Variants in LRRC4C observed in about 807,000 individuals in gnomAD.
The protein encoded by LRRC4C is leucine rich repeat containing 4C, also known as leucine-rich repeat-containing protein 4C.
LRRC4C carries 5 observed loss-of-function variants against 33.6 expected under a neutral mutation model. The observed-to-expected ratio is 0.15, with a 90% CI of 0.08 to 0.31. The LOEUF is 0.31. Ranked by LOEUF, LRRC4C falls within the 10% of genes least tolerant of loss-of-function variation. The pLI is 1.00. For missense variants in LRRC4C, 560 were observed against 796.7 expected, an observed-to-expected ratio of 0.70 and a Z score of 3.58; for synonymous variants, 329 against 302.0, an observed-to-expected ratio of 1.09 and a Z score of -0.93.
intron 2 of LRRC4C, among the ~76,000 whole-genome samples, chr11:40,776,558 TG>T (rs1950004688): frequency 6.6e-6 from 1 of 152,150 alleles, no homozygotes; most frequent in African/African-American, 2.4e-5. Context: ...TTTGTATTTA[TG>T]TGGGATCAGT....
intron 5 of LRRC4C, among the ~76,000 whole-genome samples, chr11:40,166,080 A>C (rs1474109273): frequency 3.9e-5 from 6 of 152,240 alleles, no homozygotes; most frequent in African/African-American, 1.4e-4. Context: ...ATGACCCAGC[A>C]ATTGCTGTCG....
intron 1 of LRRC4C, among the ~76,000 whole-genome samples, chr11:40,985,895 A>G (rs1041120755): frequency 2.0e-5 from 3 of 152,126 alleles, no homozygotes; most frequent in African/African-American, 7.2e-5. Context: ...TGTTGTTAAG[A>G]GTCAAGGGGT....
chr11:41,016,485 T>A (rs936641948), intron 1 of LRRC4C, among the ~76,000 whole-genome samples: 3 of 152,184 alleles, frequency 2.0e-5, no homozygotes, highest in Non-Finnish European at 2.9e-5. Flanking sequence ...CAACCACAAA[T>A]AAACAATAGG....
intron 1 of LRRC4C, among the ~76,000 whole-genome samples, chr11:41,273,672 T>C (rs1949389868): frequency 6.6e-6 from 1 of 152,194 alleles, no homozygotes; most frequent in Non-Finnish European, 1.5e-5. Context: ...CTGCTGTACA[T>C]AGTGCCTACA....
At chr11:41,110,653 A>G (rs1941776332) in intron 1 of LRRC4C, among the ~76,000 whole-genome samples, 1 of 151,974 alleles carries the variant, frequency 6.6e-6, no homozygotes, top group African/African-American at 2.4e-5. Flanking sequence ...ACGTTTTGCA[A>G]GTTTTATTAA....
chr11:41,438,707 T>C (rs1399609120), intron 1 of LRRC4C, among the ~76,000 whole-genome samples: 3 of 152,192 alleles, frequency 2.0e-5, no homozygotes, highest in African/African-American at 7.2e-5. Context: ...CGTCAGCTTT[T>C]CCAATCTTAT....
intron 2 of LRRC4C, among the ~76,000 whole-genome samples, chr11:40,749,489 G>A (rs1948585124): frequency 6.9e-6 from 1 of 143,982 alleles, no homozygotes; most frequent in African/African-American, 2.6e-5. Flanking sequence ...TAATAAGCAG[G>A]AAGTTTATAG....
intron 1 of LRRC4C, among the ~76,000 whole-genome samples, chr11:41,222,067 T>C (rs1317169812): frequency 6.6e-6 from 1 of 152,184 alleles, no homozygotes; most frequent in Non-Finnish European, 1.5e-5. Flanking sequence ...GTGAATTACA[T>C]GGGCTAGAAA....
chr11:41,193,785 A>G (rs926432425), intron 1 of LRRC4C, among the ~76,000 whole-genome samples: 1 of 151,782 alleles, frequency 6.6e-6, no homozygotes, highest in Non-Finnish European at 1.5e-5. Context: ...AGGTGTTCTG[A>G]TTATTCAAGA....
chr11:40,533,474 T>C (rs1477470162), intron 3 of LRRC4C, among the ~76,000 whole-genome samples: 1 of 334 alleles, frequency 3.0e-3, no homozygotes, highest in Non-Finnish European at 5.3e-3. Context: ...TGGTCTCTGA[T>C]TGAGTGTGGG....
chr11:41,110,889 C>T (rs561215029), intron 1 of LRRC4C, among the ~76,000 whole-genome samples: 4 of 152,020 alleles, frequency 2.6e-5, no homozygotes, highest in Non-Finnish European at 4.4e-5. Context: ...AGCAAGCATC[C>T]GAGTAACCTG....
At chr11:40,977,722 G>A (rs2137060325) in intron 1 of LRRC4C, among the ~76,000 whole-genome samples, 1 of 152,190 alleles carries the variant, frequency 6.6e-6, no homozygotes, top group African/African-American at 2.4e-5. Flanking sequence ...TGTCTGACAA[G>A]TGCCTCAAAA....
At chr11:40,277,981 C>T (rs113414599) in intron 4 of LRRC4C, among the ~76,000 whole-genome samples, 3,071 of 152,218 alleles carry the variant, frequency 0.02, 44 homozygotes, top group Middle Eastern at 0.034. Flanking sequence ...CTTTAACTTT[C>T]CAGGAAAACC....
intron 6 of LRRC4C, among the ~76,000 whole-genome samples, chr11:40,132,200 A>G (rs986265386): frequency 2.0e-5 from 3 of 152,210 alleles, no homozygotes; most frequent in Admixed American, 6.5e-5. Flanking sequence ...TCTGCTCTAT[A>G]TATCAATTTC....
intron 3 of LRRC4C, among the ~76,000 whole-genome samples, chr11:40,379,142 G>A (rs1948767940): frequency 6.6e-6 from 1 of 152,082 alleles, no homozygotes; most frequent in Non-Finnish European, 1.5e-5. Context: ...AAAGATGTTT[G>A]GAGGTGTATA....
At chr11:40,594,919 C>G (rs908748967) in intron 3 of LRRC4C, among the ~76,000 whole-genome samples, 1 of 152,110 alleles carries the variant, frequency 6.6e-6, no homozygotes, top group Admixed American at 6.6e-5. Context: ...AACACACACA[C>G]AAACACGCCA....
intron 3 of LRRC4C, among the ~76,000 whole-genome samples, chr11:40,620,084 C>CGAGCTGAGAGCT (rs1962304288): frequency 6.7e-6 from 1 of 149,438 alleles, no homozygotes; most frequent in Admixed American, 6.7e-5. Context: ...AAGAATGAGC[C>CGAGCTGAGAGCT]GAGCTGAGAG....
intron 5 of LRRC4C, among the ~76,000 whole-genome samples, chr11:40,192,154 A>T (rs1044733610): frequency 6.6e-6 from 1 of 152,170 alleles, no homozygotes; most frequent in Non-Finnish European, 1.5e-5. Context: ...TAAAATAGTC[A>T]TAAGATTTCC....
At chr11:41,040,358 AAGTG>A (rs1857359836) in intron 1 of LRRC4C, among the ~76,000 whole-genome samples, 1 of 152,182 alleles carries the variant, frequency 6.6e-6, no homozygotes, top group African/African-American at 2.4e-5. Flanking sequence ...GGCAGTGAAT[AAGTG>A]AGTATTTACT....
Sources: allele counts gnomAD v4.1 joint callset (sites outside exome capture counted in the v4.1 genomes callset), GRCh38; gene constraint gnomAD v4.1.1; transcripts MANE v1.5; gene names NCBI Gene and HGNC (gene_info 2026-07-23, HGNC 2026-07-21).